The following NIPSNAP3A variants were observed in gnomAD, a reference collection of about 807,000 sequenced individuals.
NIPSNAP3A encodes nipsnap homolog 3A, also known as protein NipSnap homolog 3A.
Under a neutral mutation model 32.3 loss-of-function variants are expected in NIPSNAP3A, and 27 were observed. The ratio of observed to expected loss-of-function variants is 0.84; its 90% CI spans 0.62 to 1.15. The LOEUF (loss-of-function observed/expected upper bound fraction) is 1.15, where lower values mean the gene tolerates loss of function less well. Ranked by LOEUF, NIPSNAP3A falls within the 50% of genes most tolerant of loss-of-function variation. The pLI is 0.00. For synonymous variants in NIPSNAP3A, 108 were observed against 107.3 expected, an observed-to-expected ratio of 1.01 and a Z score of -0.04; for missense variants, 278 against 297.2, an observed-to-expected ratio of 0.94 and a Z score of 0.48.
chr9:104,754,609 T>C lies in NIPSNAP3A; in HGVS notation c.489T>C (p.Asp163=), dbSNP rs773301593. Residue 163 remains aspartate (D), a synonymous_variant, in exon 4 of 6, where the codon GAT becomes GAC. Transcript: ENST00000374767. ...CTGGTGGGCCAGCTCTGTGGGGTGA[T>C]GCATTTAAAAGGGCAGTTCATGCTC... ...MKPGGPALWG[D]AFKRAVHAHV... 4 of 1,614,082 alleles carry C rather than the reference T, an allele frequency of 2.5e-6. No homozygotes were observed. The highest frequency in any genetic ancestry group is 3.4e-6 in the Non-Finnish European group (4 of 1,179,946).
intron 3 of NIPSNAP3A, chr9:104,753,918 C>T (rs1827875809): frequency 6.6e-6 from 1 of 152,376 alleles, no homozygotes; most frequent in Non-Finnish European, 1.5e-5. Context: ...GCTTTTCCTA[C>T]TTGTCCCAGA....
intron 4 of NIPSNAP3A, among the ~76,000 whole-genome samples, chr9:104,758,358 T>A (rs1486661020): frequency 6.6e-6 from 1 of 152,184 alleles, no homozygotes; most frequent in Non-Finnish European, 1.5e-5. Flanking sequence ...CTGTTAACAT[T>A]ATACCACTTT....
intron 4 of NIPSNAP3A, among the ~76,000 whole-genome samples, chr9:104,758,212 G>T (rs746523906): frequency 6.6e-6 from 1 of 151,948 alleles, no homozygotes; most frequent in Admixed American, 6.6e-5. Context: ...AATTAATATT[G>T]CCATAGAAAA....
intron 4 of NIPSNAP3A, among the ~76,000 whole-genome samples, chr9:104,755,797 T>C (rs927998214): frequency 6.6e-6 from 1 of 152,024 alleles, no homozygotes; most frequent in Non-Finnish European, 1.5e-5. Context: ...CAAACACCTG[T>C]AGTCCTAGCT....
rs1438709573 is a variant in NIPSNAP3A at position 104,759,526 on chromosome 9, T to C, written c.*188T>C. The C allele has an allele frequency of 3.3e-6, 2 of 597,136 alleles. No individual in the cohort carries two copies. Among genetic ancestry groups the C allele is most frequent in the Admixed American group, 5.8e-5 (2 of 34,262 alleles). 37.0% of individuals were successfully genotyped at this position (597,136 alleles called of 1,614,324 possible). A position where few individuals can be genotyped will look rare whatever the true frequency, so the allele number is the denominator to read the frequency against. ...CACTTCAAAAAATAGTTCTGTTTAC[T>C]TTCTGCATGGTATTTCAGTGTCTGT... On this transcript the variant is annotated 3_prime_UTR_variant, in exon 6 of 6. Coordinates refer to ENST00000374767, the MANE Select transcript of NIPSNAP3A (RefSeq NM_015469.3).
In NIPSNAP3A at chr9:104,754,555, C is replaced by CT. The variant is rs1827883116; in HGVS notation, c.436dup (p.Tyr146LeufsTer2). 2.5e-6 allele frequency: 4 copies of CT among 1,613,848 alleles called. No homozygotes were observed. The East Asian group carries it at 8.9e-5, about 36-fold the overall frequency. ...TTCTTTTTCTCCCTATTCCAGGAGT[C>CT]TATGAACTGGCCACTTTTCAGATGA... On this transcript the variant is annotated frameshift_variant, in exon 4 of 6. Transcript: ENST00000374767. LOFTEE classifies it high-confidence loss of function.
intron 2 of NIPSNAP3A, among the ~76,000 whole-genome samples, chr9:104,752,661 CTA>C (rs1394777058): frequency 6.6e-6 from 1 of 152,160 alleles, no homozygotes; most frequent in East Asian, 1.9e-4. Flanking sequence ...AAACTGCCTA[CTA>C]TATGGTTGAG....
chr9:104,747,964 C>G (rs1588158810), intron 1 of NIPSNAP3A, 112 bp downstream of exon 1: 7 of 1,059,788 alleles, frequency 6.6e-6, no homozygotes, highest in Middle Eastern at 3.0e-4. Context: ...CACGCGCGCC[C>G]AGACCTGGGG....
intron 4 of NIPSNAP3A, among the ~76,000 whole-genome samples, chr9:104,755,241 CA>C (rs145218973): frequency 0.16 from 22,739 of 139,286 alleles, 2,081 homozygotes; most frequent in East Asian, 0.29. Flanking sequence ...AACTCCATCT[CA>C]AAAAAAAAAA....
At chr9:104,747,902 C>G (rs77031938) in intron 1 of NIPSNAP3A, 50 bp downstream of exon 1, 363 of 73,238 alleles carry the variant, frequency 5.0e-3, no homozygotes, top group Non-Finnish European at 5.9e-3. Context: ...AGGGGAGGGG[C>G]GGGGCGGGGA....
chr9:104,750,869 C>T (rs1208031679), intron 1 of NIPSNAP3A, 87 bp from the exon 2 acceptor site: 3 of 1,016,786 alleles, frequency 3.0e-6, no homozygotes, highest in African/African-American at 3.2e-5. Flanking sequence ...CTATGAGTGT[C>T]CCTTGTACCA....
Position 104,751,074 on chromosome 9 carries a change from C to G in NIPSNAP3A, c.179C>G (p.Ala60Gly), listed in dbSNP as rs756644912. 2 of 1,613,888 alleles carry G rather than the reference C, an allele frequency of 1.2e-6. No homozygotes were observed. The highest frequency in any genetic ancestry group is 2.7e-5 in the African/African-American group (2 of 74,908). The change falls in exon 2 of 6, where the codon GCT (alanine) becomes GGT (glycine). Residue 60 changes from alanine (A) to glycine (G), a missense_variant. By Grantham distance (60) the Ala-to-Gly change is moderately conservative. Transcript: ENST00000374767. Reference sequence around the variant, plus strand: ...TTCCTGGAAAATTTTGAGAAAAACGCTCATCTTCGGACAGCTCACTCTGAA... The same window carrying G: ...TTCCTGGAAAATTTTGAGAAAAACGGTCATCTTCGGACAGCTCACTCTGAA... ...NEFLENFEKN[A>G]HLRTAHSELV...
intron 2 of NIPSNAP3A, 97 bp from the exon 3 acceptor site, chr9:104,752,809 G>A: frequency 1.0e-6 from 1 of 976,712 alleles, no homozygotes; most frequent in Admixed American, 1.9e-5. Context: ...GTTCTTATAT[G>A]GCATCAATGA....
At chr9:104,753,184 A>G in intron 3 of NIPSNAP3A, 120 bp downstream of exon 3, 1 of 811,654 alleles carries the variant, frequency 1.2e-6, no homozygotes, top group Non-Finnish European at 2.0e-6. Flanking sequence ...ATATAGAAAC[A>G]TACAGTGATT....
In NIPSNAP3A at chr9:104,747,740, G is replaced by C; in HGVS notation, c.-53G>C. ...CCTTTCCACTCGGGAAACCTTCAGA[G>C]GAGTCTCAGAAAGGACACGGCTGGC... On this transcript the variant is annotated 5_prime_UTR_variant, in exon 1 of 6. Coordinates refer to ENST00000374767, the MANE Select transcript of NIPSNAP3A (RefSeq NM_015469.3). 6.5e-7 allele frequency: 1 copy of C among 1,546,180 alleles called. No homozygotes were observed.
chr9:104,759,754 G>T lies in NIPSNAP3A; in HGVS notation c.*416G>T. 1.9e-5 allele frequency: 3 copies of T among 157,344 alleles called. No homozygotes were observed. The highest frequency in any genetic ancestry group is 2.8e-5 in the Non-Finnish European group (2 of 71,378). The allele number at this position is 157,344 out of a possible 1,614,324, so 9.7% of individuals were successfully genotyped here. The stretch of plus-strand genomic sequence containing the variant: ...ACCTTTCCATCATGTCTGTTTTCCT[G>T]GTTTTTTTTGGTTGTTTTTTGACCA... On this transcript the variant is annotated 3_prime_UTR_variant, in exon 6 of 6. Transcript: ENST00000374767.
chr9:104,757,685 G>A (rs1351042123), intron 4 of NIPSNAP3A, among the ~76,000 whole-genome samples: 2 of 152,020 alleles, frequency 1.3e-5, no homozygotes. Context: ...ATACATGTAC[G>A]TCATATCGTG....
chr9:104,747,968 C>T (rs1252425202), intron 1 of NIPSNAP3A, 116 bp downstream of exon 1: 2 of 987,376 alleles, frequency 2.0e-6, no homozygotes, highest in Non-Finnish European at 2.9e-6. Flanking sequence ...CGCGCCCAGA[C>T]CTGGGGCCCC....
chr9:104,759,785 A>C lies in NIPSNAP3A; in HGVS notation c.*447A>C, dbSNP rs1412968526. The C allele has an allele frequency of 1.3e-5, 2 of 158,920 alleles. No homozygotes were observed. 9.8% of individuals were successfully genotyped at this position (158,920 alleles called of 1,614,324 possible). A position where few individuals can be genotyped will look rare whatever the true frequency, so the allele number is the denominator to read the frequency against. ...TTTTGGTTGTTTTTTGACCAGTAAA[A>C]TTTATTTTGTAATACCAAATAGGAT... On this transcript the variant is annotated 3_prime_UTR_variant, in exon 6 of 6. Transcript: ENST00000374767.
Sources: gnomAD v4.1 joint callset for allele counts (sites outside exome capture counted in the v4.1 genomes callset) on GRCh38, gnomAD v4.1.1 for gene constraint, MANE v1.5 for transcripts, NCBI Gene and HGNC (gene_info 2026-07-23, HGNC 2026-07-21) for gene names.